MYH13: variants seen among roughly 807,000 people sequenced by gnomAD.
The protein encoded by MYH13 is myosin heavy chain 13.
Under a neutral mutation model 232.1 loss-of-function variants are expected in MYH13, and 177 were observed. That is an observed-to-expected ratio of 0.76 (90% confidence interval 0.67 to 0.86). The LOEUF is 0.86. MYH13 is among the 40% of genes least tolerant of loss of function. The pLI is 0.00. For synonymous variants in MYH13, 884 were observed against 923.5 expected, an observed-to-expected ratio of 0.96 and a Z score of 0.78; for missense variants, 2,246 against 2,405.9, an observed-to-expected ratio of 0.93 and a Z score of 1.39.
chr17:10,312,986 C>G (rs1906565299), intron 30 of MYH13, among the ~76,000 whole-genome samples, 172 bp downstream of exon 30: 1 of 151,892 alleles, frequency 6.6e-6, no homozygotes, highest in African/African-American at 2.4e-5. Flanking sequence ...GTGGAATGGA[C>G]AGTTCCCGAG....
At chr17:10,368,738 T>C (rs1567675109) in intron 2 of MYH13, among the ~76,000 whole-genome samples, 1 of 152,202 alleles carries the variant, frequency 6.6e-6, no homozygotes, top group Non-Finnish European at 1.5e-5. Context: ...TTCTTGGGAC[T>C]CTACAAGAAC....
chr17:10,329,873 G>T (rs1907350754), intron 21 of MYH13, among the ~76,000 whole-genome samples: 2 of 152,050 alleles, frequency 1.3e-5, no homozygotes, highest in African/African-American at 2.4e-5. Flanking sequence ...GGTGGTGCAT[G>T]CCTGTAATCC....
At chr17:10,324,383 CACAT>C (rs1415061225) in intron 22 of MYH13, 119 bp from the exon 23 acceptor site, 2 of 1,110,814 alleles carry the variant, frequency 1.8e-6, no homozygotes, top group African/African-American at 1.6e-5. Flanking sequence ...GTCATGCACA[CACAT>C]GCACGCACAT....
rs202142602 is a variant in MYH13 at position 10,318,828 on chromosome 17, C to T, written c.3700G>A (p.Asp1234Asn). 75 of 1,613,924 alleles carry T rather than the reference C, an allele frequency of 4.6e-5. No individual in the cohort carries two copies. Among genetic ancestry groups the T allele is most frequent in the Middle Eastern group, 1.6e-4 (1 of 6,080 alleles). Residue 1234 changes from aspartate (D) to asparagine (N), a missense_variant, in exon 27 of 41, where the codon GAC (aspartate) becomes AAC (asparagine). Asp to Asn is a conservative substitution (Grantham distance 23). Coordinates refer to ENST00000252172, the MANE Select transcript of MYH13 (RefSeq NM_003802.3). ...EKSELKMEID[D>N]MASNIEALSK... ...AGAGCCTCGATGTTGCTGGCCATGTCGTCAATCTCCATCTTCAGCTCGCTC... is the reference window on the plus strand; with the variant it reads ...AGAGCCTCGATGTTGCTGGCCATGTTGTCAATCTCCATCTTCAGCTCGCTC...
chr17:10,330,411 T>A lies in MYH13; in HGVS notation c.2411A>T (p.Glu804Val), dbSNP rs764601650. Residue 804 changes from glutamate (E) to valine (V), a missense_variant, in exon 21 of 41, where the codon GAG becomes GTG. Glu to Val is a moderately radical substitution (Grantham distance 121). Transcript: ENST00000252172. Reference sequence around the variant, plus strand: ...CCTCCTCTCCATCATCTTCTTGAACTCCACCCGCATCAGGTACCCCCTGCA... The same window carrying A: ...CCTCCTCTCCATCATCTTCTTGAACACCACCCGCATCAGGTACCCCCTGCA... ...AVCRGYLMRV[E>V]FKKMMERRDS... is the part of the protein sequence containing the mutation. 2.7e-5 allele frequency: 43 copies of A among 1,613,494 alleles called. No individual in the cohort carries two copies. Among genetic ancestry groups the A allele is most frequent in the Non-Finnish European group, 3.4e-5 (40 of 1,179,776 alleles).
intron 30 of MYH13, 62 bp downstream of exon 30, chr17:10,313,096 C>T (rs776106284): frequency 9.3e-6 from 15 of 1,609,772 alleles, no homozygotes; most frequent in Non-Finnish European, 1.2e-5. Flanking sequence ...GATATGAAGA[C>T]TCCTGGTCCC....
chr17:10,367,592 T>C (rs944239629), intron 2 of MYH13, among the ~76,000 whole-genome samples: 34 of 152,040 alleles, frequency 2.2e-4, no homozygotes, highest in Non-Finnish European at 3.8e-4. Flanking sequence ...CAAGTGATCC[T>C]CCCGCCTCAG....
chr17:10,345,114 C>T, intron 15 of MYH13, 88 bp downstream of exon 15: 1 of 1,607,464 alleles, frequency 6.2e-7, no homozygotes, highest in Non-Finnish European at 8.5e-7. Context: ...GGGCTAGGGG[C>T]CCCAATCTGT....
At chr17:10,332,341 C>T in intron 19 of MYH13, 119 bp from the exon 20 acceptor site, 2 of 1,341,040 alleles carry the variant, frequency 1.5e-6, no homozygotes, top group East Asian at 2.3e-5. Flanking sequence ...TACTGTACAG[C>T]TGGTCTGGGA....
chr17:10,328,738 T>C (rs571076530), intron 21 of MYH13, among the ~76,000 whole-genome samples: 1 of 149,742 alleles, frequency 6.7e-6, no homozygotes, highest in East Asian at 2.0e-4. Context: ...AGTGCAATGG[T>C]GCAATCTCGG....
Position 10,362,119 on chromosome 17 carries a change from A to C in MYH13, c.504T>G (p.Thr168=), listed in dbSNP as rs2071798388. Residue 168 remains threonine (T), a splice_region_variant and synonymous_variant, in exon 5 of 41, where the codon ACT becomes ACG. Transcript: ENST00000252172. ...ISDNAYQFML[T]DRDNQSILIT... ...ATATGAATCAAAGAAATTACTCACC[A>C]GTCAGCATGAACTGATAGGCATTGT... 7 of 1,613,956 alleles carry C rather than the reference A, an allele frequency of 4.3e-6. No homozygotes were observed. The highest frequency in any genetic ancestry group is 8.5e-7 in the Non-Finnish European group (1 of 1,179,872).
intron 5 of MYH13, 72 bp from the exon 6 acceptor site, chr17:10,360,260 G>C: frequency 6.5e-7 from 1 of 1,537,388 alleles, no homozygotes; most frequent in Non-Finnish European, 8.8e-7. Flanking sequence ...GTAACATTGG[G>C]GGTGGTTGGA....
chr17:10,307,364 T>G (rs932999572), intron 35 of MYH13, among the ~76,000 whole-genome samples: 2 of 152,130 alleles, frequency 1.3e-5, no homozygotes, highest in Non-Finnish European at 2.9e-5. Flanking sequence ...GAAATGATGA[T>G]AGACATACTA....
chr17:10,328,363 C>T (rs1046227151), intron 21 of MYH13, among the ~76,000 whole-genome samples: 3 of 152,186 alleles, frequency 2.0e-5, no homozygotes, highest in African/African-American at 7.2e-5. Flanking sequence ...CTCCTGGTCA[C>T]CTGGCTGCCC....
In MYH13 at chr17:10,347,061, C is replaced by T. The variant is rs570533593; in HGVS notation, c.1145-263G>A. 1.6e-4 allele frequency among the ~76,000 whole-genome samples: 24 copies of T among 152,194 alleles called. No individual in the cohort carries two copies. The East Asian group carries it at 2.9e-3, about 18-fold the overall frequency. On this transcript the variant is annotated intron_variant, in intron 12 of 40. Transcript: ENST00000252172. ...GGCCAATTTTGACCTACTGATATTTCGATTTCATAAAAGAATGTTGATTAC... is the reference window on the plus strand; with the variant it reads ...GGCCAATTTTGACCTACTGATATTTTGATTTCATAAAAGAATGTTGATTAC...
intron 19 of MYH13, 37 bp downstream of exon 19, chr17:10,333,037 C>T (rs202036906): frequency 1.3e-5 from 19 of 1,466,008 alleles, no homozygotes; most frequent in East Asian, 5.0e-5. Context: ...AAGGTGCCCT[C>T]GGAAGGAGAG....
At chr17:10,370,611 T>C (rs1274536929) in intron 2 of MYH13, among the ~76,000 whole-genome samples, 1 of 152,198 alleles carries the variant, frequency 6.6e-6, no homozygotes, top group African/African-American at 2.4e-5. Context: ...ACCATGACAC[T>C]ACTCTCAACT....
chr17:10,333,298 C>T (rs1327807832), intron 18 of MYH13, 107 bp from the exon 19 acceptor site: 3 of 791,850 alleles, frequency 3.8e-6, no homozygotes, highest in Non-Finnish European at 6.2e-6. Context: ...GTGGGAGAGT[C>T]AGTGAGTGGG....
chr17:10,339,829 G>A (rs1189035900), intron 18 of MYH13, among the ~76,000 whole-genome samples: 1 of 152,050 alleles, frequency 6.6e-6, no homozygotes, highest in East Asian at 1.9e-4. Context: ...ATTTAATATG[G>A]CATTTGGTTT....
Sources: allele counts gnomAD v4.1 joint callset (sites outside exome capture counted in the v4.1 genomes callset), GRCh38; gene constraint gnomAD v4.1.1; transcripts MANE v1.5; gene names NCBI Gene and HGNC (gene_info 2026-07-23, HGNC 2026-07-21).